The following TANGO2 variants were observed in gnomAD, a reference collection of about 807,000 sequenced individuals.
TANGO2 encodes the protein transport and golgi organization 2 homolog, also known as transport and Golgi organization protein 2 homolog.
A neutral mutation model predicts 39.1 loss-of-function variants in TANGO2; 26 were observed. The ratio of observed to expected loss-of-function variants is 0.67; its 90% CI spans 0.49 to 0.92. TANGO2 has a LOEUF of 0.92. Among genes scored for constraint, TANGO2 ranks in the 40% least tolerant of loss-of-function variants. The pLI is 0.00. For missense variants in TANGO2, 326 were observed against 360.1 expected, an observed-to-expected ratio of 0.91 and a Z score of 0.77; for synonymous variants, 131 against 144.5, an observed-to-expected ratio of 0.91 and a Z score of 0.67.
chr22:20,042,565 A>T (rs565768255), intron 2 of TANGO2, among the ~76,000 whole-genome samples: 1 of 152,194 alleles, frequency 6.6e-6, no homozygotes, highest in African/African-American at 2.4e-5. Flanking sequence ...GGAGTTCAAG[A>T]CCAGCTTGGC....
At position 20,057,874 on chromosome 22, in the gene TANGO2, C is replaced by T. The variant is rs1177978552; in HGVS notation, c.451+1861C>T. On this transcript the variant is annotated intron_variant, in intron 6 of 8. Coordinates refer to ENST00000327374, the MANE Select transcript of TANGO2 (RefSeq NM_152906.7). The surrounding 1 kb of genome is among the most constrained non-coding windows in gnomAD (Gnocchi z 4.1). Reference sequence around the variant, plus strand: ...TTGGCCCAGCGGCCTCTGGGGCAGTCGCTGTAACCATCCACGTGGCATCCT... The same window carrying T: ...TTGGCCCAGCGGCCTCTGGGGCAGTTGCTGTAACCATCCACGTGGCATCCT... 1.3e-5 allele frequency among the ~76,000 whole-genome samples: 2 copies of T among 152,176 alleles called. No individual in the cohort carries two copies. The highest frequency in any genetic ancestry group is 2.1e-4 in the South Asian group (1 of 4,828).
chr22:20,021,715 G>A (rs758699743), intron 1 of TANGO2, among the ~76,000 whole-genome samples: 1 of 152,208 alleles, frequency 6.6e-6, no homozygotes, highest in Non-Finnish European at 1.5e-5. Flanking sequence ...AGAGGTAGGG[G>A]CTGGCAGGGC....
intron 7 of TANGO2, 172 bp downstream of exon 7, chr22:20,061,855 GGT>G (rs2048450033): frequency 1.2e-6 from 1 of 840,070 alleles, no homozygotes; most frequent in Non-Finnish European, 1.8e-6. Context: ...AGCCAGCTGA[GGT>G]TTCCAACACC....
intron 1 of TANGO2, among the ~76,000 whole-genome samples, chr22:20,021,943 C>G (rs2039771881): frequency 6.6e-6 from 1 of 152,276 alleles, no homozygotes; most frequent in African/African-American, 2.4e-5. Context: ...GGCCCCCTTC[C>G]TCTTCAGGAA....
At chr22:20,062,662 T>TGCTA (rs1225685334) in intron 7 of TANGO2, among the ~76,000 whole-genome samples, 1 of 152,242 alleles carries the variant, frequency 6.6e-6, no homozygotes, top group Non-Finnish European at 1.5e-5. Flanking sequence ...GGAGCCCCGA[T>TGCTA]GCTAGCTACA....
In TANGO2 at chr22:20,066,815, G is replaced by A. The variant is rs949640870; in HGVS notation, c.*2153G>A. On this transcript the variant is annotated 3_prime_UTR_variant, in exon 9 of 9. Coordinates refer to ENST00000327374, the MANE Select transcript of TANGO2 (RefSeq NM_152906.7). ...GCCCTGCCCTCATGAAGAGCCCCCCGGATGTTCACCTCTGCCCAGAGACCC... is the reference window on the plus strand; with the variant it reads ...GCCCTGCCCTCATGAAGAGCCCCCCAGATGTTCACCTCTGCCCAGAGACCC... Among the ~76,000 whole-genome samples the A allele has an allele frequency of 2.6e-5, 4 of 152,010 alleles. No individual in the cohort carries two copies. Among genetic ancestry groups the A allele is most frequent in the African/African-American group, 7.3e-5 (3 of 41,362 alleles).
chr22:20,063,725 C>G (rs1222228130), intron 8 of TANGO2: 1 of 375,726 alleles, frequency 2.7e-6, no homozygotes. Context: ...GCAAACGCCC[C>G]GGCACCATGG....
chr22:20,062,043 C>T (rs1282789878), intron 7 of TANGO2, among the ~76,000 whole-genome samples: 1 of 152,206 alleles, frequency 6.6e-6, no homozygotes, highest in Non-Finnish European at 1.5e-5. Flanking sequence ...CAAACCCAGG[C>T]GGAAGAGACA....
At chr22:20,050,275 G>A (rs2046054706) in intron 3 of TANGO2, among the ~76,000 whole-genome samples, 1 of 151,626 alleles carries the variant, frequency 6.6e-6, no homozygotes, top group Admixed American at 6.6e-5. Context: ...CCTTAAATCA[G>A]GTCAGCTCAA....
intron 3 of TANGO2, among the ~76,000 whole-genome samples, chr22:20,050,625 G>A (rs1265802945): frequency 4.0e-5 from 6 of 149,228 alleles, no homozygotes; most frequent in Admixed American, 6.7e-5. Flanking sequence ...GCCTCCCAAA[G>A]TGCTGGGATT....
rs866934827 is a variant in TANGO2, at chr22:20,062,262, G to C, written c.605+579G>C. On this transcript the variant is annotated intron_variant, in intron 7 of 8. Transcript: ENST00000327374. ...CACTGGGGTCTTCGTTGCCCCAGCC[G>C]GGGGTCCTGGTGCTTGCCATGCCAG... 2.0e-5 allele frequency among the ~76,000 whole-genome samples: 3 copies of C among 152,138 alleles called. No individual in the cohort carries two copies. The East Asian group carries it at 5.8e-4, about 29-fold the overall frequency.
intron 3 of TANGO2, among the ~76,000 whole-genome samples, chr22:20,046,821 AG>A (rs2045312313): frequency 6.6e-6 from 1 of 152,042 alleles, no homozygotes; most frequent in Non-Finnish European, 1.5e-5. Context: ...TATTTTTAGT[AG>A]AGATGGGGTT....
chr22:20,031,213 G>A (rs893559046), intron 1 of TANGO2, among the ~76,000 whole-genome samples: 3 of 150,992 alleles, frequency 2.0e-5, no homozygotes, highest in Non-Finnish European at 4.4e-5. Flanking sequence ...AAAAAAATTA[G>A]CCGGGTGTGG....
intron 2 of TANGO2, chr22:20,037,220 C>A: frequency 1.8e-6 from 2 of 1,136,808 alleles, no homozygotes; most frequent in Non-Finnish European, 2.4e-6. Flanking sequence ...CGGGTCACAG[C>A]TGCTGGTGAG....
intron 8 of TANGO2, 66 bp from the exon 9 acceptor site, chr22:20,064,476 G>T: frequency 6.2e-7 from 1 of 1,602,626 alleles, no homozygotes; most frequent in Non-Finnish European, 8.5e-7. Context: ...TGCCCTATTT[G>T]TGGCTGTGAC....
rs140525489 is a variant in TANGO2 at position 20,063,420 on chromosome 22, C to A, written c.688C>A (p.Arg230Ser). The A allele has an allele frequency of 6.2e-7, 1 of 1,613,036 alleles. No homozygotes were observed. Among genetic ancestry groups the A allele is most frequent in the Admixed American group, 1.7e-5 (1 of 59,986 alleles). Residue 230 changes from arginine (R) to serine (S), a missense_variant, in exon 8 of 9, where the codon CGC (arginine) becomes AGC (serine). By Grantham distance (110) the Arg-to-Ser change is moderately radical. Transcript: ENST00000327374. ...GAGCAAGTACGCGGCTGTGTGCGTGCGCTGCCCTGGCTACGGCACCAGGTA... is the reference window on the plus strand; with the variant it reads ...GAGCAAGTACGCGGCTGTGTGCGTGAGCTGCCCTGGCTACGGCACCAGGTA... ...MLSKYAAVCV[R>S]CPGYGTRTNT...
At chr22:20,025,582 G>A (rs2040580085) in intron 1 of TANGO2, among the ~76,000 whole-genome samples, 1 of 152,116 alleles carries the variant, frequency 6.6e-6, no homozygotes, top group Non-Finnish European at 1.5e-5. Context: ...GCCTAGACCA[G>A]GTGGCCCTGC....
intron 2 of TANGO2, chr22:20,037,058 AAAGACGTG>A: frequency 3.2e-6 from 5 of 1,544,656 alleles, no homozygotes; most frequent in Non-Finnish European, 3.5e-6. Context: ...GTCAATGTAC[AAAGACGTG>A]AAGACTCAGC....
rs1227302128 is a variant in TANGO2, at chr22:20,057,004, G to A, written c.451+991G>A. Reference sequence around the variant, plus strand: ...GTGAGGGGGCTCCCTCACACCCCTGGCTCCTCTGAAGCTCCATGCCCACGT... The same window carrying A: ...GTGAGGGGGCTCCCTCACACCCCTGACTCCTCTGAAGCTCCATGCCCACGT... On this transcript the variant is annotated intron_variant, in intron 6 of 8. Coordinates refer to ENST00000327374, the MANE Select transcript of TANGO2 (RefSeq NM_152906.7). This position sits in a 1 kb window ranked among gnomAD's most constrained non-coding sequence, Gnocchi z 4.1. 2.2e-6 allele frequency: 1 copy of A among 453,394 alleles called. No homozygotes were observed. The highest frequency in any genetic ancestry group is 2.4e-5 in the Admixed American group (1 of 42,252). The allele number at this position is 453,394 out of a possible 1,614,324, so 28.1% of individuals were successfully genotyped here. A position where few individuals can be genotyped will look rare whatever the true frequency, so the allele number is the denominator to read the frequency against.
Sources: gnomAD v4.1 joint callset for allele counts (sites outside exome capture counted in the v4.1 genomes callset) on GRCh38, gnomAD v4.1.1 for gene constraint, Gnocchi (gnomAD v3.1) non-coding constraint, MANE v1.5 for transcripts, NCBI Gene and HGNC (gene_info 2026-07-23, HGNC 2026-07-21) for gene names.